L3MBTL2: variants seen among roughly 807,000 people sequenced by gnomAD.
The protein encoded by L3MBTL2 is L3MBTL histone methyl-lysine binding protein 2, also known as lethal(3)malignant brain tumor-like protein 2.
In L3MBTL2, 49 loss-of-function variants were observed where a neutral mutation model predicts 86.4. That is an observed-to-expected ratio of 0.57 (90% CI 0.45 to 0.72). The LOEUF is 0.72. L3MBTL2 is among the 30% of genes least tolerant of loss of function. The pLI is 0.00. For missense variants in L3MBTL2, 755 were observed against 923.7 expected (o/e 0.82, Z 2.37); for synonymous variants, 336 against 350.6 (o/e 0.96, Z 0.47).
intron 2 of L3MBTL2, 54 bp from the exon 3 acceptor site, chr22:41,213,835 CTTTG>C (rs1237157659): frequency 1.3e-6 from 2 of 1,599,432 alleles, no homozygotes; most frequent in Non-Finnish European, 8.6e-7. Context: ...GGGCCCATCA[CTTTG>C]TTTGCTTTGA....
intron 12 of L3MBTL2, 78 bp downstream of exon 12, chr22:41,226,019 G>A (rs2145611673): frequency 5.9e-6 from 9 of 1,515,852 alleles, no homozygotes; most frequent in Middle Eastern, 1.7e-4. Flanking sequence ...GCTCCCGCCT[G>A]TAATCCTAGC....
At chr22:41,219,668 C>G (rs1440126033) in intron 6 of L3MBTL2, 132 bp downstream of exon 6, 2 of 634,600 alleles carry the variant, frequency 3.2e-6, no homozygotes, top group Non-Finnish European at 2.9e-6. Flanking sequence ...TGCCCCACTT[C>G]TAAGGATTCT....
chr22:41,216,381 G>T, intron 4 of L3MBTL2, 119 bp downstream of exon 4: 1 of 1,260,460 alleles, frequency 7.9e-7, no homozygotes, highest in Admixed American at 2.5e-5. Context: ...AGTGCCCTAA[G>T]TCAGGGTCAC....
At chr22:41,220,086 C>A (rs147150047) in intron 6 of L3MBTL2, among the ~76,000 whole-genome samples, 55 of 152,330 alleles carry the variant, frequency 3.6e-4, no homozygotes, top group African/African-American at 1.2e-3. Context: ...TCGTGGCTCA[C>A]ACCTCTAATC....
Position 41,224,331 on chromosome 22 carries a change from A to T in L3MBTL2, c.1174+80A>T. On this transcript the variant is annotated intron_variant, in intron 9 of 16. Transcript: ENST00000216237. This position sits in a 1 kb window ranked among gnomAD's most constrained non-coding sequence, Gnocchi z 4.9. ...GTGGGAGCACCTTCCTACTCGTCAC[A>T]GCAGGTCAGCAGGTGGAGGTTGGCA... 9.2e-7 allele frequency: 1 copy of T among 1,088,424 alleles called. No individual in the cohort carries two copies. The highest frequency in any genetic ancestry group is 2.5e-5 in the East Asian group (1 of 40,566). 67.4% of individuals were successfully genotyped at this position (1,088,424 alleles called of 1,614,324 possible).
intron 5 of L3MBTL2, 122 bp downstream of exon 5, chr22:41,217,324 G>A (rs990617454): frequency 5.0e-5 from 35 of 700,932 alleles, no homozygotes; most frequent in African/African-American, 2.6e-4. Flanking sequence ...GGCAGGAGAC[G>A]GATGGCGTTA....
intron 3 of L3MBTL2, 171 bp downstream of exon 3, chr22:41,214,197 T>C: frequency 1.6e-6 from 1 of 632,112 alleles, no homozygotes; most frequent in Non-Finnish European, 2.7e-6. Context: ...TGTGGAGCTT[T>C]TTAAATTATA....
intron 15 of L3MBTL2, chr22:41,228,508 G>C: frequency 2.0e-6 from 2 of 985,446 alleles, no homozygotes; most frequent in Middle Eastern, 5.2e-4. Flanking sequence ...TACCATGTGG[G>C]GAAGAGGATG....
At position 41,219,404 on chromosome 22, in the gene L3MBTL2, C is replaced by T; in HGVS notation, c.601-15C>T. On this transcript the variant is annotated splice_polypyrimidine_tract_variant and intron_variant, in intron 5 of 16. Coordinates refer to ENST00000216237, the MANE Select transcript of L3MBTL2 (RefSeq NM_031488.5). ...AGTTAGCTCACTCTCTCGGTACACT[C>T]TCATCGCCACACAGGTCCCACTCTA... 1.3e-6 allele frequency: 2 copies of T among 1,584,718 alleles called. No homozygotes were observed. The highest frequency in any genetic ancestry group is 8.7e-7 in the Non-Finnish European group (1 of 1,153,518).
At chr22:41,230,068 C>G (rs988593014) in intron 16 of L3MBTL2, 71 bp from the exon 17 acceptor site, 5 of 1,072,692 alleles carry the variant, frequency 4.7e-6, no homozygotes, top group Admixed American at 3.9e-5. Context: ...GGTCCCTTTC[C>G]CAGCTCCTCC....
chr22:41,210,143 CTT>C (rs869292228), intron 2 of L3MBTL2: 5,399 of 161,120 alleles, frequency 0.034, no homozygotes, highest in South Asian at 0.075. Context: ...AGTCTAATTT[CTT>C]TTTTTTTTTT....
intron 8 of L3MBTL2, among the ~76,000 whole-genome samples, chr22:41,222,254 C>A (rs2031879349): frequency 6.6e-6 from 1 of 152,156 alleles, no homozygotes; most frequent in African/African-American, 2.4e-5. Context: ...ACAGACCCTG[C>A]CATCCAGAAA....
At position 41,227,116 on chromosome 22, in the gene L3MBTL2, G is replaced by A. The variant is rs1386749468; in HGVS notation, c.1615G>A (p.Gly539Ser). The A allele has an allele frequency of 5.0e-6, 8 of 1,613,364 alleles. No homozygotes were observed. The highest frequency in any genetic ancestry group is 5.9e-6 in the Non-Finnish European group (7 of 1,179,868). Residue 539 changes from glycine to serine, a missense_variant, in exon 14 of 17, where the codon GGC (glycine) becomes AGC (serine). Physicochemically the swap from Gly to Ser is moderately conservative, Grantham distance 56 (BLOSUM62 0). Around this residue, in one of 3 missense-constraint regions of L3MBTL2, gnomAD observed 634 missense variants for 748.9 expected, o/e 0.85. Coordinates refer to ENST00000216237, the MANE Select transcript of L3MBTL2 (RefSeq NM_031488.5). This position sits in a 1 kb window ranked among gnomAD's most constrained non-coding sequence, Gnocchi z 6.0. Reference sequence around the variant, plus strand: ...TTGCCCAAACCATGGCTTCAAGGTGGGCATGAAGCTGGAGGCCGTGGACCT... The same window carrying A: ...TTGCCCAAACCATGGCTTCAAGGTGAGCATGAAGCTGGAGGCCGTGGACCT... ...MDCPNHGFKV[G>S]MKLEAVDLME... is the part of the protein sequence containing the mutation.
intron 1 of L3MBTL2, among the ~76,000 whole-genome samples, chr22:41,208,100 G>A (rs1445971893): frequency 6.6e-6 from 1 of 152,050 alleles, no homozygotes; most frequent in East Asian, 1.9e-4. Flanking sequence ...CCAAAGTGCT[G>A]GGATTATAGG....
intron 1 of L3MBTL2, chr22:41,208,481 T>C (rs147942933): frequency 3.8e-6 from 1 of 261,838 alleles, no homozygotes; most frequent in East Asian, 1.5e-4. Flanking sequence ...CATTATCTCA[T>C]TTGCATCTCA....
At chr22:41,217,078 C>G in intron 4 of L3MBTL2, 45 bp from the exon 5 acceptor site, 1 of 1,539,338 alleles carries the variant, frequency 6.5e-7, no homozygotes, top group Non-Finnish European at 9.0e-7. Flanking sequence ...CCTGGAGTGG[C>G]TGCTGCGCAG....
rs755450852 is a variant in L3MBTL2 at position 41,230,247 on chromosome 22, A to G, written c.2114A>G (p.Asp705Gly). 1 of 1,612,956 alleles carries G rather than the reference A, an allele frequency of 6.2e-7. No individual in the cohort carries two copies. The highest frequency in any genetic ancestry group is 8.5e-7 in the Non-Finnish European group (1 of 1,179,316). ...GAGAACATCAAGCAGGAAACAGACG[A>G]CTGAGCCTTCCTGCCTCCAGCCTGG... ...SVENIKQETD[D>G] The change falls in exon 17 of 17, where the codon GAC becomes GGC. Residue 705 changes from aspartate to glycine, a missense_variant. Around this residue, in one of 3 missense-constraint regions of L3MBTL2, gnomAD observed 634 missense variants for 748.9 expected, o/e 0.85. Coordinates refer to ENST00000216237, the MANE Select transcript of L3MBTL2 (RefSeq NM_031488.5).
intron 16 of L3MBTL2, 41 bp from the exon 17 acceptor site, chr22:41,230,093 CAGAGT>C: frequency 1.3e-5 from 13 of 965,748 alleles, no homozygotes; most frequent in South Asian, 4.5e-5. Context: ...CCACCCCTCC[CAGAGT>C]TATTTACTCG....
rs370338730 is a variant in L3MBTL2 at position 41,205,341 on chromosome 22, C to G, written c.-22C>G. The stretch of plus-strand genomic sequence containing the variant: ...CAATATGGCTTCCTGCACCTGGTGA[C>G]GCTTGGCGAAACTGAGGTCTCATGG... On this transcript the variant is annotated 5_prime_UTR_variant, in exon 1 of 17. Transcript: ENST00000216237. 5.0e-6 allele frequency: 8 copies of G among 1,614,104 alleles called. No homozygotes were observed. In the South Asian group the frequency reaches 6.6e-5, roughly 13 times the overall value.
Sources: gnomAD v4.1 joint callset for allele counts (sites outside exome capture counted in the v4.1 genomes callset) on GRCh38, gnomAD v4.1.1 for gene constraint, gnomAD v4.1.1 regional missense constraint, Gnocchi (gnomAD v3.1) non-coding constraint, MANE v1.5 for transcripts, NCBI Gene and HGNC (gene_info 2026-07-23, HGNC 2026-07-21) for gene names.